DIP2A: variants seen among roughly 807,000 people sequenced by gnomAD.
DIP2A encodes DIP2 acetate--CoA ligase A, also known as disco-interacting protein 2 homolog A.
DIP2A carries 85 observed loss-of-function variants against 177.4 expected under a neutral mutation model. That is an observed-to-expected ratio of 0.48 (90% CI 0.40 to 0.57). The LOEUF (loss-of-function observed/expected upper bound fraction) is 0.57, where lower values mean the gene tolerates loss of function less well. Ranked by LOEUF, DIP2A falls within the 20% of genes least tolerant of loss-of-function variation. DIP2A has a pLI of 0.00. For missense variants in DIP2A, 1,791 were observed against 2,100.2 expected, an observed-to-expected ratio of 0.85 and a Z score of 2.88; for synonymous variants, 886 against 881.8, an observed-to-expected ratio of 1.00 and a Z score of -0.08.
chr21:46,557,776 C>T lies in DIP2A; in HGVS notation c.3798+23C>T, dbSNP rs547575681. 1 of 1,594,896 alleles carries T rather than the reference C, an allele frequency of 6.3e-7. No homozygotes were observed. On this transcript the variant is annotated intron_variant, in intron 31 of 37. Coordinates refer to ENST00000417564, the MANE Select transcript of DIP2A (RefSeq NM_015151.4). This position sits in a 1 kb window ranked among gnomAD's most constrained non-coding sequence, Gnocchi z 6.0. The stretch of plus-strand genomic sequence containing the variant: ...AGGGTGAGTGCCCAGACCCGGGCTT[C>T]TGAGTGTGCTGCAGACCACAGCCCT...
intron 1 of DIP2A, among the ~76,000 whole-genome samples, chr21:46,477,755 T>TG (rs59434721): frequency 0.34 from 51,067 of 149,422 alleles, 9,156 homozygotes; most frequent in Middle Eastern, 0.44. Context: ...TTTGTTTTGT[T>TG]TTTTTTTTGG....
intron 8 of DIP2A, among the ~76,000 whole-genome samples, chr21:46,528,527 C>CATTTTTTTTTT (rs2059207496): frequency 1.0e-4 from 3 of 29,380 alleles, no homozygotes; most frequent in African/African-American, 4.7e-4. Context: ...TTTCTGCTTG[C>CATTTTTTTTTT]TTTTTTTTTT....
intron 32 of DIP2A, 117 bp downstream of exon 32, chr21:46,558,510 C>A: frequency 1.0e-6 from 1 of 963,880 alleles, no homozygotes; most frequent in Non-Finnish European, 1.6e-6. Context: ...CTTCTCTGGG[C>A]CTTTGATATC....
intron 1 of DIP2A, among the ~76,000 whole-genome samples, chr21:46,472,810 G>A (rs144001035): frequency 6.6e-6 from 1 of 152,280 alleles, no homozygotes; most frequent in African/African-American, 2.4e-5. Context: ...GTTGGGTGTT[G>A]TGGATGTGTG....
At chr21:46,542,025 T>C in intron 18 of DIP2A, 130 bp downstream of exon 18, 1 of 1,087,254 alleles carries the variant, frequency 9.2e-7, no homozygotes, top group Non-Finnish European at 1.3e-6. Context: ...CTTGGCTCAC[T>C]GCATCCTCCG....
At chr21:46,532,839 AT>A (rs1393793790) in intron 10 of DIP2A, among the ~76,000 whole-genome samples, 1 of 152,236 alleles carries the variant, frequency 6.6e-6, no homozygotes, top group Non-Finnish European at 1.5e-5. Flanking sequence ...CTGAAAAAAA[AT>A]AGACAAGGCA....
intron 25 of DIP2A, chr21:46,553,566 C>T (rs893118854): frequency 6.5e-6 from 1 of 153,178 alleles, no homozygotes; most frequent in African/African-American, 2.4e-5. Context: ...AGAGGAGACA[C>T]ACAGATGCCT....
intron 8 of DIP2A, among the ~76,000 whole-genome samples, chr21:46,514,405 C>T (rs113138371): frequency 0.16 from 24,001 of 149,928 alleles, 2,171 homozygotes; most frequent in African/African-American, 0.21. Context: ...CACTGCACTC[C>T]AGCCTGGGCG....
chr21:46,524,514 T>G (rs1190299236), intron 8 of DIP2A, among the ~76,000 whole-genome samples: 1 of 152,134 alleles, frequency 6.6e-6, no homozygotes, highest in East Asian at 1.9e-4. Flanking sequence ...TATTGTCCCT[T>G]TGGAATTCAC....
rs779856854 is a variant in DIP2A, at chr21:46,503,611, C to CCTTT, written c.656-728_656-725dup. Among the ~76,000 whole-genome samples the CCTTT allele has an allele frequency of 4.8e-4, 62 of 128,642 alleles. 1 individual carries two copies. The highest frequency in any genetic ancestry group is 1.7e-3 in the Admixed American group (23 of 13,314). The allele number at this position is 128,642 out of a possible 152,430, so 84.4% of individuals were successfully genotyped here. On this transcript the variant is annotated intron_variant, in intron 5 of 37. Transcript: ENST00000417564. Reference sequence around the variant, plus strand: ...TCCTTCCTTCCTTCCTTCCTTCCTTCCTTTCTTTCTTTCTTTCTTTCTTTC... The same window carrying CCTTT: ...TCCTTCCTTCCTTCCTTCCTTCCTTCCTTTCTTTCTTTCTTTCTTTCTTTCTTTC...
chr21:46,499,858 T>A (rs555762229), intron 5 of DIP2A, among the ~76,000 whole-genome samples: 1 of 152,322 alleles, frequency 6.6e-6, no homozygotes, highest in Non-Finnish European at 1.5e-5. Flanking sequence ...TTGCTTGAGA[T>A]CAGACAGCAG....
chr21:46,526,509 C>T (rs772268420), intron 8 of DIP2A, among the ~76,000 whole-genome samples: 6 of 151,938 alleles, frequency 3.9e-5, no homozygotes, highest in Admixed American at 2.0e-4. Context: ...ATTCTCATGC[C>T]TCAGCCTCCT....
At chr21:46,550,054 G>A (rs971282647) in intron 22 of DIP2A, 169 bp downstream of exon 22, 49 of 1,415,126 alleles carry the variant, frequency 3.5e-5, no homozygotes, top group Admixed American at 1.2e-4. Flanking sequence ...ATGTATTTAC[G>A]GGATACAAAG....
chr21:46,533,915 A>G, intron 11 of DIP2A, 89 bp from the exon 12 acceptor site: 1 of 1,132,872 alleles, frequency 8.8e-7, no homozygotes, highest in Admixed American at 2.1e-5. Flanking sequence ...CTCAGTAGCT[A>G]GTGCTGCATG....
intron 2 of DIP2A, among the ~76,000 whole-genome samples, chr21:46,487,780 C>T (rs1460220136): frequency 1.3e-5 from 2 of 152,112 alleles, no homozygotes; most frequent in Non-Finnish European, 2.9e-5. Context: ...ACGTTAGGAT[C>T]GTAAAATCTA....
At chr21:46,506,802 C>CT (rs1340778617) in intron 6 of DIP2A, among the ~76,000 whole-genome samples, 3 of 71,530 alleles carry the variant, frequency 4.2e-5, no homozygotes, top group Admixed American at 1.7e-4. Flanking sequence ...TTTCTTTCTT[C>CT]TCTTTTTTTT....
intron 1 of DIP2A, among the ~76,000 whole-genome samples, 162 bp downstream of exon 1, chr21:46,459,384 C>T (rs1318857897): frequency 6.8e-6 from 1 of 147,842 alleles, no homozygotes; most frequent in South Asian, 2.2e-4. Flanking sequence ...TGCCCCTCAA[C>T]GGGACCCCGG....
At chr21:46,489,082 GACAC>G (rs1238016040) in intron 2 of DIP2A, among the ~76,000 whole-genome samples, 1 of 150,918 alleles carries the variant, frequency 6.6e-6, no homozygotes, top group Admixed American at 6.6e-5. Flanking sequence ...TACACACACA[GACAC>G]ACACAAACAC....
chr21:46,550,489 A>G, intron 22 of DIP2A, 54 bp from the exon 23 acceptor site: 6 of 1,553,050 alleles, frequency 3.9e-6, no homozygotes, highest in Non-Finnish European at 5.3e-6. Flanking sequence ...CCCACCCAGC[A>G]TCTCCCCAGC....
Sources: gnomAD v4.1 joint callset for allele counts (sites outside exome capture counted in the v4.1 genomes callset) on GRCh38, gnomAD v4.1.1 for gene constraint, Gnocchi (gnomAD v3.1) non-coding constraint, MANE v1.5 for transcripts, NCBI Gene and HGNC (gene_info 2026-07-23, HGNC 2026-07-21) for gene names.